Variants in KCNS3 observed in about 807,000 individuals in gnomAD.
The protein encoded by KCNS3 is potassium voltage-gated channel modifier subfamily S member 3.
Under a neutral mutation model 31.0 loss-of-function variants are expected in KCNS3, and 13 were observed. That is an observed-to-expected ratio of 0.42 (90% CI 0.27 to 0.67). The LOEUF (loss-of-function observed/expected upper bound fraction) is 0.67. KCNS3 is among the 30% of genes least tolerant of loss of function. The pLI, the probability that KCNS3 is intolerant of heterozygous loss-of-function variation, is 0.25. For missense variants in KCNS3, 545 were observed against 622.4 expected (o/e 0.88, Z 1.32); for synonymous variants, 238 against 241.5 (o/e 0.99, Z 0.13).
At chr2:17,902,730 A>G (rs11680994) in intron 1 of KCNS3, among the ~76,000 whole-genome samples, 32,711 of 152,098 alleles carry the variant, frequency 0.22, 4,462 homozygotes, top group South Asian at 0.48. Flanking sequence ...GTGATTTGCC[A>G]CGTACACTTA....
At chr2:17,921,746 C>T (rs1339075719) in intron 2 of KCNS3, among the ~76,000 whole-genome samples, 1 of 151,302 alleles carries the variant, frequency 6.6e-6, no homozygotes, top group Non-Finnish European at 1.5e-5. Context: ...CACTAACAAT[C>T]ATGAAAAAAG....
chr2:17,902,896 T>C (rs867355397), intron 1 of KCNS3, among the ~76,000 whole-genome samples: 1 of 152,350 alleles, frequency 6.6e-6, no homozygotes, highest in Middle Eastern at 3.4e-3. Flanking sequence ...TACTTTTTGG[T>C]ATTTGTTTTA....
In KCNS3 at chr2:17,932,598, C is replaced by T. The variant is rs1476760219; in HGVS notation, c.*114C>T. On this transcript the variant is annotated 3_prime_UTR_variant, in exon 3 of 3. Transcript: ENST00000304101. ...TTAATTCTCAGGGTGTACCTTTCAG[C>T]CATAGTTGGACATTCATTGCTGAAT... 9.7e-6 allele frequency: 11 copies of T among 1,133,098 alleles called. No homozygotes were observed. Among genetic ancestry groups the T allele is most frequent in the Non-Finnish European group, 1.4e-5 (11 of 803,068 alleles). 70.2% of individuals were successfully genotyped at this position (1,133,098 alleles called of 1,614,324 possible).
At chr2:17,916,924 A>G (rs188337298) in intron 1 of KCNS3, among the ~76,000 whole-genome samples, 3 of 151,968 alleles carry the variant, frequency 2.0e-5, no homozygotes, top group East Asian at 1.9e-4. Context: ...ATGAAAATCA[A>G]TGGATGGATG....
intron 2 of KCNS3, among the ~76,000 whole-genome samples, chr2:17,921,960 AATACAT>A (rs1319450794): frequency 1.5e-4 from 13 of 88,336 alleles, no homozygotes; most frequent in Non-Finnish European, 2.9e-4. Context: ...TATATATATA[AATACAT>A]ATACATATAT....
At chr2:17,926,330 A>G (rs1316211852) in intron 2 of KCNS3, among the ~76,000 whole-genome samples, 1 of 152,142 alleles carries the variant, frequency 6.6e-6, no homozygotes, top group Non-Finnish European at 1.5e-5. Context: ...CAGTGGATCT[A>G]CCATTCTGGG....
At chr2:17,907,641 G>A (rs1015034624) in intron 1 of KCNS3, among the ~76,000 whole-genome samples, 3 of 152,118 alleles carry the variant, frequency 2.0e-5, no homozygotes, top group East Asian at 1.9e-4. Flanking sequence ...AGGAGCTCTT[G>A]TAAGGCAGGC....
chr2:17,909,723 C>A (rs145346311), intron 1 of KCNS3, among the ~76,000 whole-genome samples: 1 of 152,148 alleles, frequency 6.6e-6, no homozygotes. Flanking sequence ...AAAGAGCATT[C>A]CAGGCAGAGG....
chr2:17,922,480 A>G (rs1032520015), intron 2 of KCNS3, among the ~76,000 whole-genome samples: 1 of 152,166 alleles, frequency 6.6e-6, no homozygotes, highest in Non-Finnish European at 1.5e-5. Flanking sequence ...AAGTGCTGGG[A>G]TGGAATCCCT....
intron 1 of KCNS3, among the ~76,000 whole-genome samples, chr2:17,917,170 T>C (rs1343415667): frequency 6.6e-6 from 1 of 152,206 alleles, no homozygotes; most frequent in African/African-American, 2.4e-5. Context: ...AATATAATAA[T>C]GGGCAAATAA....
In KCNS3 at chr2:17,915,761, C is replaced by G. The variant is rs1662574742; in HGVS notation, c.-251-1919C>G. On this transcript the variant is annotated intron_variant, in intron 1 of 2. Transcript: ENST00000304101. Reference sequence around the variant, plus strand: ...AGAAGTCACACTTAGAATGTGAATGCTCTTAGAGAGGTGCTAATTTACATA... The same window carrying G: ...AGAAGTCACACTTAGAATGTGAATGGTCTTAGAGAGGTGCTAATTTACATA... Among the ~76,000 whole-genome samples, 5 of 152,120 alleles carry G rather than the reference C, an allele frequency of 3.3e-5. No homozygotes were observed. The South Asian group carries it at 1.0e-3, about 32-fold the overall frequency.
chr2:17,891,145 G>A (rs114183324), intron 1 of KCNS3, among the ~76,000 whole-genome samples: 197 of 152,058 alleles, frequency 1.3e-3, no homozygotes, highest in Non-Finnish European at 2.3e-3. Context: ...ATTTTCCTGT[G>A]GGGCAAGGCC....
At chr2:17,911,943 A>T (rs1662480054) in intron 1 of KCNS3, among the ~76,000 whole-genome samples, 2 of 152,254 alleles carry the variant, frequency 1.3e-5, no homozygotes, top group Admixed American at 1.3e-4. Context: ...GGATTTAGAC[A>T]TGTAAAAAGC....
rs781288456 is a variant in KCNS3 at position 17,921,911 on chromosome 2, G to GTATA, written c.-60+4041_-60+4042insATAT. Among the ~76,000 whole-genome samples the GTATA allele has an allele frequency of 2.3e-3, 228 of 100,256 alleles. 1 individual carries two copies. Among genetic ancestry groups the GTATA allele is most frequent in the South Asian group, 6.4e-3 (22 of 3,422 alleles). The allele number at this position is 100,256 out of a possible 152,430, so 65.8% of individuals were successfully genotyped here. A position where few individuals can be genotyped will look rare whatever the true frequency, so the allele number is the denominator to read the frequency against. On this transcript the variant is annotated intron_variant, in intron 2 of 2. Transcript: ENST00000304101. ...CTGATTTTCATATATATGTGTGTGT[G>GTATA]TGTGTATATATATATATATATATAT...
At chr2:17,906,542 A>T (rs1182136606) in intron 1 of KCNS3, among the ~76,000 whole-genome samples, 1 of 151,858 alleles carries the variant, frequency 6.6e-6, no homozygotes, top group Non-Finnish European at 1.5e-5. Context: ...AGTTCTTTTA[A>T]TTGTGATGTT....
intron 1 of KCNS3, among the ~76,000 whole-genome samples, chr2:17,889,206 G>A (rs1661778162): frequency 6.6e-6 from 1 of 152,034 alleles, no homozygotes; most frequent in South Asian, 2.1e-4. Context: ...AAGGGGTTGA[G>A]TTCTTGATTT....
rs1327698301 is a variant in KCNS3, at chr2:17,932,362, A to G, written c.1354A>G (p.Ile452Val). The change falls in exon 3 of 3, where the codon ATT (isoleucine) becomes GTT (valine). Residue 452 changes from isoleucine to valine, a missense_variant. Coordinates refer to ENST00000304101, the MANE Select transcript of KCNS3 (RefSeq NM_002252.5). Reference protein sequence around the residue: ...DIYAQRMHTFITSLSSVGIVV... With the variant: ...DIYAQRMHTFVTSLSSVGIVV... ...ATATGCACAGCGGATGCACACCTTC[A>G]TTACCAGTCTCTCTTCTGTAGGCAT... 1 of 1,614,046 alleles carries G rather than the reference A, an allele frequency of 6.2e-7. No individual in the cohort carries two copies. Among genetic ancestry groups the G allele is most frequent in the Admixed American group, 1.7e-5 (1 of 60,010 alleles).
At chr2:17,921,915 G>GTGTATATATATA (rs375189924) in intron 2 of KCNS3, among the ~76,000 whole-genome samples, 26 of 32,784 alleles carry the variant, frequency 7.9e-4, no homozygotes, top group African/African-American at 2.8e-3. Context: ...GTGTGTGTGT[G>GTGTATATATATA]TATATATATA....
chr2:17,897,163 G>A (rs1448183663), intron 1 of KCNS3, among the ~76,000 whole-genome samples: 1 of 152,094 alleles, frequency 6.6e-6, no homozygotes, highest in South Asian at 2.1e-4. Flanking sequence ...TTCTATTTCT[G>A]TGTTAATTCT....
Sources: gnomAD v4.1 joint callset for allele counts (sites outside exome capture counted in the v4.1 genomes callset) on GRCh38, gnomAD v4.1.1 for gene constraint, MANE v1.5 for transcripts, NCBI Gene and HGNC (gene_info 2026-07-23, HGNC 2026-07-21) for gene names.